The following ADARB2 variants were observed in gnomAD, a reference collection of about 807,000 sequenced individuals.
The protein encoded by ADARB2 is inactive double-stranded RNA-specific editase B2.
ADARB2 carries 25 observed loss-of-function variants against 62.2 expected under a neutral mutation model. The observed-to-expected ratio is 0.40, with a 90% CI of 0.29 to 0.56. The LOEUF (loss-of-function observed/expected upper bound fraction) is 0.56, where lower values mean the gene tolerates loss of function less well. Among genes scored for constraint, ADARB2 ranks in the 20% least tolerant of loss-of-function variants. The pLI is 0.43. For missense variants in ADARB2, 1,071 were observed against 1,077.4 expected (o/e 0.99, Z 0.08); for synonymous variants, 572 against 500.8 (o/e 1.14, Z -1.90).
At chr10:1,549,577 C>G (rs1229674794) in intron 1 of ADARB2, among the ~76,000 whole-genome samples, 4 of 151,972 alleles carry the variant, frequency 2.6e-5, no homozygotes, top group Non-Finnish European at 4.4e-5. Flanking sequence ...CCGAGACCCA[C>G]GCATGGTCAA....
intron 1 of ADARB2, among the ~76,000 whole-genome samples, chr10:1,712,556 GA>G (rs1834961453): frequency 1.3e-5 from 2 of 151,842 alleles, no homozygotes; most frequent in Non-Finnish European, 2.9e-5. Context: ...GGAGGATTGG[GA>G]AAGCCCCCCT....
intron 1 of ADARB2, among the ~76,000 whole-genome samples, chr10:1,531,785 T>C (rs1412230712): frequency 1.3e-5 from 2 of 151,928 alleles, no homozygotes; most frequent in African/African-American, 2.4e-5. Flanking sequence ...TGCAGTAAGC[T>C]GAGATTGTGC....
intron 1 of ADARB2, among the ~76,000 whole-genome samples, chr10:1,551,743 C>T (rs1001714658): frequency 2.0e-5 from 3 of 152,236 alleles, no homozygotes; most frequent in Non-Finnish European, 4.4e-5. Context: ...CTCTGGTGGC[C>T]GATGGGCCCC....
intron 4 of ADARB2, 91 bp downstream of exon 4, chr10:1,270,864 G>C (rs1422962773): frequency 7.3e-6 from 8 of 1,099,786 alleles, no homozygotes; most frequent in Non-Finnish European, 1.1e-5. Flanking sequence ...TGTTGTGGAA[G>C]AGAGAGCCTT....
intron 1 of ADARB2, among the ~76,000 whole-genome samples, chr10:1,673,985 T>A (rs1285732130): frequency 6.6e-6 from 1 of 152,256 alleles, no homozygotes; most frequent in African/African-American, 2.4e-5. Context: ...ATGTGTTAAA[T>A]GTGCAAAACT....
intron 1 of ADARB2, chr10:1,534,669 T>C (rs1359094178): frequency 1.3e-5 from 2 of 157,092 alleles, no homozygotes; most frequent in Non-Finnish European, 2.9e-5. Context: ...CTGCTACCAA[T>C]GCCCGTCTCT....
At chr10:1,258,904 G>A (rs553900375) in intron 4 of ADARB2, among the ~76,000 whole-genome samples, 114 of 152,292 alleles carry the variant, frequency 7.5e-4, no homozygotes, top group African/African-American at 2.2e-3. Context: ...TGGAAGTAAA[G>A]CACTCCTCAG....
chr10:1,558,762 A>ACCTCTGCCCCC (rs1832747756), intron 1 of ADARB2, among the ~76,000 whole-genome samples: 2 of 8,260 alleles, frequency 2.4e-4, no homozygotes, highest in Non-Finnish European at 5.7e-4. Flanking sequence ...CCTCCGCCCC[A>ACCTCTGCCCCC]CTCCGTGGGT....
At chr10:1,249,893 A>AT (rs1390721254) in intron 4 of ADARB2, among the ~76,000 whole-genome samples, 1 of 151,956 alleles carries the variant, frequency 6.6e-6, no homozygotes, top group Non-Finnish European at 1.5e-5. Flanking sequence ...CCAAGTTAAT[A>AT]TACAGAAGTC....
At chr10:1,707,946 C>A (rs1416734808) in intron 1 of ADARB2, among the ~76,000 whole-genome samples, 1 of 152,134 alleles carries the variant, frequency 6.6e-6, no homozygotes, top group African/African-American at 2.4e-5. Context: ...TCCATTTTTT[C>A]TCATCATGAA....
chr10:1,394,728 C>T (rs778285838), intron 1 of ADARB2, among the ~76,000 whole-genome samples: 1 of 152,124 alleles, frequency 6.6e-6, no homozygotes, highest in East Asian at 1.9e-4. Flanking sequence ...GCCTGAGGAA[C>T]GTCAAAGGGT....
At chr10:1,415,759 T>G (rs1388416588) in intron 1 of ADARB2, among the ~76,000 whole-genome samples, 1 of 152,268 alleles carries the variant, frequency 6.6e-6, no homozygotes, top group East Asian at 1.9e-4. Context: ...ATTTGTTTGA[T>G]TCTATTGATC....
chr10:1,711,686 T>C (rs1834950310), intron 1 of ADARB2, among the ~76,000 whole-genome samples: 1 of 152,156 alleles, frequency 6.6e-6, no homozygotes, highest in Non-Finnish European at 1.5e-5. Flanking sequence ...CAAATAGGAG[T>C]TACAGGCATT....
chr10:1,302,430 A>C (rs914413966), intron 3 of ADARB2, among the ~76,000 whole-genome samples: 6 of 152,244 alleles, frequency 3.9e-5, no homozygotes, highest in Non-Finnish European at 7.3e-5. Context: ...TCAAACTGCA[A>C]GGCGGCAGCG....
In ADARB2 at chr10:1,363,567, G is replaced by C. The variant is rs1322029552; in HGVS notation, c.538C>G (p.Arg180Gly). Residue 180 changes from arginine to glycine, a missense_variant, in exon 3 of 10, where the codon CGC (arginine) becomes GGC (glycine). Arg to Gly is a moderately radical substitution (Grantham distance 125, BLOSUM62 -2). Transcript: ENST00000381312. ...GACCTGAGTGCCAGCTCCGCCGCGCGCATCTTGGCCTTCTTCTTGGTGGGG... is the reference window on the plus strand; with the variant it reads ...GACCTGAGTGCCAGCTCCGCCGCGCCCATCTTGGCCTTCTTCTTGGTGGGG... ...TGPTKKKAKM[R>G]AAELALRSFV... 6.3e-7 allele frequency: 1 copy of C among 1,577,110 alleles called. No homozygotes were observed. Among genetic ancestry groups the C allele is most frequent in the African/African-American group, 1.4e-5 (1 of 71,770 alleles).
At chr10:1,325,910 A>G (rs1165736313) in intron 3 of ADARB2, among the ~76,000 whole-genome samples, 1 of 151,904 alleles carries the variant, frequency 6.6e-6, no homozygotes, top group African/African-American at 2.4e-5. Context: ...GGACATAGTG[A>G]TTCTCCTGTT....
intron 1 of ADARB2, among the ~76,000 whole-genome samples, chr10:1,533,119 CTT>C (rs56227070): frequency 0.25 from 36,332 of 143,504 alleles, 4,887 homozygotes; most frequent in African/African-American, 0.34. Context: ...TAAACATCAC[CTT>C]TTTTTTTTTT....
intron 1 of ADARB2, among the ~76,000 whole-genome samples, chr10:1,418,855 C>A (rs1325208940): frequency 6.6e-6 from 1 of 152,078 alleles, no homozygotes; most frequent in African/African-American, 2.4e-5. Flanking sequence ...TGATTTTTGT[C>A]AGTTGTCTTG....
chr10:1,657,147 G>A (rs1038318963), intron 1 of ADARB2, among the ~76,000 whole-genome samples: 5 of 152,116 alleles, frequency 3.3e-5, no homozygotes, highest in East Asian at 1.9e-4. Context: ...TGAAAAGTTC[G>A]AAAAGAGGTC....
Sources: allele counts gnomAD v4.1 joint callset (sites outside exome capture counted in the v4.1 genomes callset), GRCh38; gene constraint gnomAD v4.1.1; transcripts MANE v1.5; gene names NCBI Gene and HGNC (gene_info 2026-07-23, HGNC 2026-07-21).